CIMIP4: variants seen among roughly 807,000 people sequenced by gnomAD.
The protein encoded by CIMIP4 is ciliary microtubule inner protein 4.
chr22:36,994,326 TATC>T, the CIMIP4 span, among the ~76,000 whole-genome samples: 3 of 152,038 alleles, frequency 2.0e-5, no homozygotes, highest in Non-Finnish European at 4.4e-5. Flanking sequence ...TTATTATTAT[TATC>T]ATTATTTTGA....
chr22:36,993,505 C>T, the CIMIP4 span, among the ~76,000 whole-genome samples: 1 of 150,810 alleles, frequency 6.6e-6, no homozygotes, highest in Non-Finnish European at 1.5e-5. Context: ...AAAAAGAAGC[C>T]ACAAAGAAAA....
the CIMIP4 span, among the ~76,000 whole-genome samples, chr22:36,996,297 A>G: frequency 3.3e-5 from 5 of 152,276 alleles, no homozygotes; most frequent in African/African-American, 1.2e-4. Context: ...TCAATAACTA[A>G]TTACTGGAAT....
At chr22:36,996,911 G>A in the CIMIP4 span, among the ~76,000 whole-genome samples, 1 of 152,200 alleles carries the variant, frequency 6.6e-6, no homozygotes, top group African/African-American at 2.4e-5. Context: ...AGGTCACCGG[G>A]AGGAAAGATG....
At chr22:37,002,389 TG>T in the CIMIP4 span, 1 of 48,956 alleles carries the variant, frequency 2.0e-5, no homozygotes. Flanking sequence ...GGGGCAGAGA[TG>T]GGGGTGAGGA....
At chr22:36,991,423 C>T in the CIMIP4 span, 2 of 1,585,168 alleles carry the variant, frequency 1.3e-6, no homozygotes, top group Admixed American at 1.7e-5. Context: ...TTAGAGCCAA[C>T]ACACCCTGCT....
the CIMIP4 span, chr22:36,999,997 G>T: frequency 1.2e-6 from 2 of 1,604,806 alleles, no homozygotes; most frequent in Admixed American, 1.7e-5. Flanking sequence ...GAGCAGGGAG[G>T]CAGGGATGAC....
At chr22:36,999,770 A>C in the CIMIP4 span, 9 of 1,550,446 alleles carry the variant, frequency 5.8e-6, no homozygotes, top group African/African-American at 1.2e-4. Context: ...GGAAACCCCA[A>C]AGGCCTTCCC....
chr22:37,000,526 C>G, the CIMIP4 span, among the ~76,000 whole-genome samples: 6 of 152,166 alleles, frequency 3.9e-5, no homozygotes, highest in African/African-American at 1.4e-4. Flanking sequence ...GGTTTGAGTT[C>G]CAGTTCTGCA....
At chr22:37,006,907 C>T in the CIMIP4 span, among the ~76,000 whole-genome samples, 2 of 152,210 alleles carry the variant, frequency 1.3e-5, no homozygotes, top group Non-Finnish European at 2.9e-5. Context: ...CAGCTCTCCT[C>T]AGCTCATCTT....
chr22:36,993,428 G>A, the CIMIP4 span, among the ~76,000 whole-genome samples: 1 of 151,972 alleles, frequency 6.6e-6, no homozygotes, highest in African/African-American at 2.4e-5. Context: ...AGAATAAGAG[G>A]AGTAGAAAAG....
the CIMIP4 span, among the ~76,000 whole-genome samples, chr22:36,995,296 G>A: frequency 6.6e-6 from 1 of 152,202 alleles, no homozygotes. Flanking sequence ...GCCCAGCCAA[G>A]GTTTTGATTT....
At chr22:36,992,448 G>C in the CIMIP4 span, among the ~76,000 whole-genome samples, 1 of 152,122 alleles carries the variant, frequency 6.6e-6, no homozygotes, top group African/African-American at 2.4e-5. Flanking sequence ...AGAAAGAGCA[G>C]ATAGATTAGT....
At chr22:36,996,271 A>T in the CIMIP4 span, among the ~76,000 whole-genome samples, 2 of 152,140 alleles carry the variant, frequency 1.3e-5, no homozygotes, top group African/African-American at 4.8e-5. Context: ...TACTATTCAA[A>T]AGCACTCCTA....
At chr22:37,002,236 T>C in the CIMIP4 span, 1 of 1,453,582 alleles carries the variant, frequency 6.9e-7, no homozygotes. Flanking sequence ...TGTAGGCCGC[T>C]TTCCAGGGGT....
the CIMIP4 span, among the ~76,000 whole-genome samples, chr22:37,000,737 G>A: frequency 2.7e-4 from 41 of 152,166 alleles, no homozygotes; most frequent in African/African-American, 7.5e-4. Flanking sequence ...CAGGGACAAC[G>A]GTGGCTGAAG....
chr22:36,994,397 T>C, the CIMIP4 span, among the ~76,000 whole-genome samples: 28 of 148,320 alleles, frequency 1.9e-4, no homozygotes, highest in African/African-American at 6.4e-4. Flanking sequence ...CCGCTCACTA[T>C]AACCTCCGCC....
chr22:36,994,039 C>T, the CIMIP4 span, among the ~76,000 whole-genome samples: 1 of 151,922 alleles, frequency 6.6e-6, no homozygotes, highest in Admixed American at 6.6e-5. Context: ...GGCAACGGCA[C>T]GATGAAAAAC....
chr22:36,993,917 T>C, the CIMIP4 span, among the ~76,000 whole-genome samples: 1 of 152,064 alleles, frequency 6.6e-6, no homozygotes, highest in East Asian at 1.9e-4. Context: ...TGAAGGCATA[T>C]TTAAAAGGAC....
At chr22:36,992,598 A>G in the CIMIP4 span, among the ~76,000 whole-genome samples, 1 of 152,180 alleles carries the variant, frequency 6.6e-6, no homozygotes, top group Non-Finnish European at 1.5e-5. Context: ...ATGAGACAAG[A>G]TCGGCTATGT....
Sources: gnomAD v4.1 joint callset for allele counts (sites outside exome capture counted in the v4.1 genomes callset) on GRCh38, gnomAD v4.1.1 for gene constraint, MANE v1.5 for transcripts, NCBI Gene and HGNC (gene_info 2026-07-23, HGNC 2026-07-21) for gene names.